Variants in GALNT17 observed in about 807,000 individuals in gnomAD.
GALNT17 encodes polypeptide N-acetylgalactosaminyltransferase 17, also known as UDP-GalNAc:polypeptide N-acetylgalactosaminyltransferase-like 3.
In GALNT17, 29 loss-of-function variants were observed where a neutral mutation model predicts 63.7. The observed-to-expected ratio is 0.46, with a 90% CI of 0.34 to 0.62. The LOEUF (loss-of-function observed/expected upper bound fraction) is 0.62. Ranked by LOEUF, GALNT17 falls within the 20% of genes least tolerant of loss-of-function variation. The probability of loss-of-function intolerance (pLI) is 0.01; values close to 1 mark genes in which losing one functional copy is unlikely to be tolerated. For missense variants in GALNT17, 603 were observed against 799.6 expected, an observed-to-expected ratio of 0.75 and a Z score of 2.97; for synonymous variants, 305 against 318.3, an observed-to-expected ratio of 0.96 and a Z score of 0.45.
Position 71,450,711 on chromosome 7 carries a change from G to C in GALNT17, c.962+29606G>C, listed in dbSNP as rs367580481. ...CCAGGCAACCACAAATCTATTTTCT[G>C]TCTCTTTGGATTTGCCTGTTCTGGA... On this transcript the variant is annotated intron_variant, in intron 5 of 10. Transcript: ENST00000333538. 4.6e-5 allele frequency among the ~76,000 whole-genome samples: 7 copies of C among 152,030 alleles called. No individual in the cohort carries two copies. The East Asian group carries it at 9.7e-4, about 21-fold the overall frequency.
chr7:71,411,944 T>C (rs1793436980), intron 3 of GALNT17, among the ~76,000 whole-genome samples: 1 of 152,184 alleles, frequency 6.6e-6, no homozygotes, highest in Non-Finnish European at 1.5e-5. Flanking sequence ...GCCAAACACT[T>C]CACAGGATAA....
At chr7:71,494,775 C>T (rs924191010) in intron 5 of GALNT17, among the ~76,000 whole-genome samples, 2 of 152,286 alleles carry the variant, frequency 1.3e-5, no homozygotes, top group Non-Finnish European at 2.9e-5. Flanking sequence ...GACTCAGTTC[C>T]ACGTGGCTGG....
At chr7:71,512,731 A>G (rs1788381704) in intron 5 of GALNT17, among the ~76,000 whole-genome samples, 1 of 152,180 alleles carries the variant, frequency 6.6e-6, no homozygotes, top group Non-Finnish European at 1.5e-5. Context: ...GTGCCCAGGT[A>G]CTGCCCTAGG....
intron 5 of GALNT17, among the ~76,000 whole-genome samples, chr7:71,441,628 C>T (rs117263825): frequency 0.025 from 3,879 of 152,178 alleles, 125 homozygotes; most frequent in Non-Finnish European, 0.029. Context: ...TAATGCTCTC[C>T]CTCCCTTCGC....
At chr7:71,645,636 A>G (rs964508954) in intron 6 of GALNT17, among the ~76,000 whole-genome samples, 13 of 152,160 alleles carry the variant, frequency 8.5e-5, no homozygotes, top group Non-Finnish European at 1.5e-4. Flanking sequence ...GAAGAGTATC[A>G]CTGGCTTTCT....
chr7:71,431,209 C>CTTTTTT (rs1265130879), intron 5 of GALNT17, among the ~76,000 whole-genome samples: 82 of 115,100 alleles, frequency 7.1e-4, no homozygotes, highest in Non-Finnish European at 8.0e-4. Flanking sequence ...CTTTTCTTTT[C>CTTTTTT]TTTTTTTTTT....
At chr7:71,138,685 ACCTAGTGGT>A (rs1166276746) in intron 1 of GALNT17, among the ~76,000 whole-genome samples, 4 of 152,128 alleles carry the variant, frequency 2.6e-5, no homozygotes, top group Non-Finnish European at 5.9e-5. Context: ...AGGAAAGTGG[ACCTAGTGGT>A]CGGGCACAGT....
intron 6 of GALNT17, among the ~76,000 whole-genome samples, chr7:71,590,078 C>T (rs1789776201): frequency 6.6e-6 from 1 of 152,088 alleles, no homozygotes; most frequent in Non-Finnish European, 1.5e-5. Context: ...ATATAGAGAA[C>T]TGTAGTTATG....
chr7:71,217,271 G>A (rs189747969), intron 1 of GALNT17, among the ~76,000 whole-genome samples: 8 of 150,952 alleles, frequency 5.3e-5, no homozygotes, highest in East Asian at 2.0e-4. Context: ...CATTGTGCCC[G>A]GTGCTTTTTT....
At chr7:71,237,511 G>GAAAAAAAA (rs369921098) in intron 1 of GALNT17, among the ~76,000 whole-genome samples, 2 of 78,124 alleles carry the variant, frequency 2.6e-5, no homozygotes, top group African/African-American at 4.2e-5. Context: ...TCCCATCTCT[G>GAAAAAAAA]AAAAAAAAAA....
At chr7:71,144,748 T>G (rs1787982386) in intron 1 of GALNT17, among the ~76,000 whole-genome samples, 1 of 151,936 alleles carries the variant, frequency 6.6e-6, no homozygotes, top group Non-Finnish European at 1.5e-5. Flanking sequence ...TGTTTTGTTT[T>G]TGATGGAGTC....
intron 1 of GALNT17, among the ~76,000 whole-genome samples, chr7:71,205,341 A>G (rs963176998): frequency 6.6e-6 from 1 of 151,552 alleles, no homozygotes; most frequent in Non-Finnish European, 1.5e-5. Context: ...TTTGGTAGAG[A>G]CAGCATTCCA....
At chr7:71,558,063 G>C (rs1789194144) in intron 5 of GALNT17, among the ~76,000 whole-genome samples, 1 of 152,132 alleles carries the variant, frequency 6.6e-6, no homozygotes, top group Non-Finnish European at 1.5e-5. Context: ...CACAGAGCGA[G>C]ACTCTGTCTC....
chr7:71,472,735 C>T (rs1438772425), intron 5 of GALNT17, among the ~76,000 whole-genome samples: 1 of 152,010 alleles, frequency 6.6e-6, no homozygotes, highest in South Asian at 2.1e-4. Flanking sequence ...ATTAAAAAGT[C>T]ATTTAGTCTG....
chr7:71,240,449 CCA>C (rs2116465860), intron 1 of GALNT17, among the ~76,000 whole-genome samples: 1 of 152,082 alleles, frequency 6.6e-6, no homozygotes, highest in Admixed American at 6.5e-5. Context: ...TTTGGAGTCC[CCA>C]GTGTCTGTTG....
intron 5 of GALNT17, among the ~76,000 whole-genome samples, chr7:71,507,577 C>T (rs1056110935): frequency 3.3e-5 from 5 of 152,130 alleles, no homozygotes; most frequent in Non-Finnish European, 5.9e-5. Flanking sequence ...TTTTTTTGGC[C>T]AGCCTTGGCA....
At chr7:71,337,869 GAACAAACA>G (rs781167753) in intron 2 of GALNT17, among the ~76,000 whole-genome samples, 9 of 151,268 alleles carry the variant, frequency 5.9e-5, no homozygotes, top group Admixed American at 1.3e-4. Context: ...CTCCATCTCA[GAACAAACA>G]AACAAACAAA....
chr7:71,688,351 C>T (rs1791392538), intron 9 of GALNT17, among the ~76,000 whole-genome samples: 1 of 152,126 alleles, frequency 6.6e-6, no homozygotes, highest in African/African-American at 2.4e-5. Flanking sequence ...GCCTCCTGGG[C>T]CCTGCGTCCA....
intron 9 of GALNT17, among the ~76,000 whole-genome samples, chr7:71,692,415 G>A (rs527683942): frequency 4.6e-5 from 7 of 152,094 alleles, no homozygotes; most frequent in African/African-American, 1.4e-4. Flanking sequence ...AGGAAACAAC[G>A]TCACTGTTTC....
Sources: gnomAD v4.1 joint callset for allele counts (sites outside exome capture counted in the v4.1 genomes callset) on GRCh38, gnomAD v4.1.1 for gene constraint, MANE v1.5 for transcripts, NCBI Gene and HGNC (gene_info 2026-07-23, HGNC 2026-07-21) for gene names.